TENM4: variants seen among roughly 807,000 people sequenced by gnomAD.
The protein encoded by TENM4 is teneurin-4.
TENM4 carries 82 observed loss-of-function variants against 243.3 expected under a neutral mutation model. The ratio of observed to expected loss-of-function variants is 0.34; its 90% CI spans 0.28 to 0.40. The LOEUF is 0.40. Ranked by LOEUF, TENM4 falls within the 10% of genes least tolerant of loss-of-function variation. The probability of loss-of-function intolerance (pLI) is 1.00; values close to 1 mark genes in which losing one functional copy is unlikely to be tolerated. For synonymous variants in TENM4, 1,412 were observed against 1,456.3 expected (o/e 0.97, Z 0.69); for missense variants, 3,138 against 3,673.3 (o/e 0.85, Z 3.77).
intron 1 of TENM4, among the ~76,000 whole-genome samples, chr11:79,392,217 G>A (rs1858249154): frequency 6.6e-6 from 1 of 152,184 alleles, no homozygotes; most frequent in African/African-American, 2.4e-5. Context: ...TACATCCCAA[G>A]ATAACCCTTT....
intron 2 of TENM4, among the ~76,000 whole-genome samples, chr11:79,258,465 C>G (rs1056777869): frequency 2.6e-5 from 4 of 152,188 alleles, no homozygotes; most frequent in African/African-American, 9.6e-5. Context: ...TAACTCTATA[C>G]AACTTCTCAT....
At chr11:78,978,036 G>A (rs1473073814) in intron 6 of TENM4, among the ~76,000 whole-genome samples, 5 of 152,186 alleles carry the variant, frequency 3.3e-5, no homozygotes, top group Non-Finnish European at 5.9e-5. Context: ...GAAAAAGGAT[G>A]AGTTCATGTC....
chr11:79,163,556 CCT>C (rs1027283887), intron 3 of TENM4, among the ~76,000 whole-genome samples: 1 of 151,818 alleles, frequency 6.6e-6, no homozygotes, highest in Non-Finnish European at 1.5e-5. Flanking sequence ...TACCCTTTCC[CCT>C]GAGTCCCCAA....
intron 2 of TENM4, among the ~76,000 whole-genome samples, chr11:79,252,274 G>A (rs961376344): frequency 1.3e-5 from 2 of 152,098 alleles, no homozygotes; most frequent in East Asian, 1.9e-4. Flanking sequence ...TTGCTCTGTC[G>A]CCCAGGCTGG....
At chr11:79,429,182 G>A (rs1339626053) in intron 1 of TENM4, among the ~76,000 whole-genome samples, 3 of 152,202 alleles carry the variant, frequency 2.0e-5, no homozygotes, top group African/African-American at 4.8e-5. Context: ...AGGATCTGCT[G>A]TCTCAATCTA....
intron 3 of TENM4, among the ~76,000 whole-genome samples, chr11:79,175,398 T>C (rs1052565603): frequency 4.6e-5 from 7 of 152,194 alleles, no homozygotes; most frequent in African/African-American, 1.4e-4. Context: ...TGGGTACTCA[T>C]TGTAGTATTG....
At chr11:78,887,817 A>T (rs906970655) in intron 9 of TENM4, among the ~76,000 whole-genome samples, 3 of 152,228 alleles carry the variant, frequency 2.0e-5, no homozygotes, top group Admixed American at 2.0e-4. Flanking sequence ...AATCATGTAA[A>T]CACTTACTCT....
intron 3 of TENM4, among the ~76,000 whole-genome samples, chr11:79,178,854 T>C (rs1863225804): frequency 1.3e-5 from 2 of 152,228 alleles, no homozygotes; most frequent in African/African-American, 4.8e-5. Flanking sequence ...CAAACTTTTA[T>C]TTTTCCCTGT....
chr11:78,778,918 A>G (rs958625528), intron 16 of TENM4, among the ~76,000 whole-genome samples: 4 of 152,220 alleles, frequency 2.6e-5, no homozygotes, highest in African/African-American at 9.6e-5. Flanking sequence ...GAAAACAGAC[A>G]AAGAAGGATG....
rs754072715 is a variant in TENM4, at chr11:78,658,587, A to T, written c.7781T>A (p.Val2594Asp). The change falls in exon 34 of 34, where the codon GTT becomes GAT. Residue 2594 changes from valine (V) to aspartate (D), a missense_variant. By Grantham distance (152) the Val-to-Asp change is radical. This residue lies in a region of TENM4 where 2,467 missense variants were observed against 3,059.1 expected (regional missense o/e 0.81). Transcript: ENST00000278550. ...GTGGGCATGGTTCAAGATGGCAGCA[A>T]CCCTTCGCCCATCCTCATTGGCCAC... ...ISVANEDGRR[V>D]AAILNHAHYL... is the part of the protein sequence containing the mutation. 1 of 1,613,850 alleles carries T rather than the reference A, an allele frequency of 6.2e-7. No individual in the cohort carries two copies. Among genetic ancestry groups the T allele is most frequent in the Non-Finnish European group, 8.5e-7 (1 of 1,179,870 alleles).
chr11:78,881,865 G>A (rs905852355), intron 9 of TENM4, among the ~76,000 whole-genome samples: 3 of 152,168 alleles, frequency 2.0e-5, no homozygotes, highest in Non-Finnish European at 4.4e-5. Context: ...TCCTTTTAGG[G>A]ATCTGGAAGA....
intron 3 of TENM4, among the ~76,000 whole-genome samples, chr11:79,215,109 C>G (rs1179950488): frequency 6.6e-6 from 1 of 152,180 alleles, no homozygotes; most frequent in East Asian, 1.9e-4. Context: ...TGGATCCTTC[C>G]TGTGTCCTCA....
At chr11:79,225,268 A>G (rs1233195371) in intron 2 of TENM4, among the ~76,000 whole-genome samples, 1 of 152,228 alleles carries the variant, frequency 6.6e-6, no homozygotes, top group Non-Finnish European at 1.5e-5. Context: ...GGAAGCTTAC[A>G]CGCCTAAGAA....
At chr11:78,697,189 G>A (rs909724538) in intron 28 of TENM4, among the ~76,000 whole-genome samples, 1 of 152,174 alleles carries the variant, frequency 6.6e-6, no homozygotes, top group African/African-American at 2.4e-5. Flanking sequence ...CAGCCTCCAA[G>A]GGCTTCAGAC....
At chr11:78,889,021 G>A (rs773447992) in intron 9 of TENM4, among the ~76,000 whole-genome samples, 12 of 152,218 alleles carry the variant, frequency 7.9e-5, no homozygotes, top group Non-Finnish European at 1.8e-4. Context: ...GGGGTCAGAA[G>A]TAGGAAGGGG....
intron 1 of TENM4, among the ~76,000 whole-genome samples, chr11:79,305,841 A>T (rs1053382145): frequency 3.9e-5 from 6 of 152,202 alleles, no homozygotes; most frequent in South Asian, 2.1e-4. Context: ...AAGTGTCCCT[A>T]ACTTCATTTG....
intron 31 of TENM4, among the ~76,000 whole-genome samples, chr11:78,671,299 TA>T: frequency 7.5e-6 from 1 of 133,406 alleles, no homozygotes; most frequent in African/African-American, 2.8e-5. Flanking sequence ...CTCTCTCTCT[TA>T]GTACTAGCGC....
chr11:79,116,368 C>A (rs1344788934), intron 4 of TENM4, among the ~76,000 whole-genome samples: 2 of 152,184 alleles, frequency 1.3e-5, no homozygotes, highest in African/African-American at 4.8e-5. Flanking sequence ...AGCTGGGGTT[C>A]AAATTCAGGA....
At chr11:78,741,302 C>T (rs918126033) in intron 19 of TENM4, among the ~76,000 whole-genome samples, 5 of 151,406 alleles carry the variant, frequency 3.3e-5, no homozygotes, top group Non-Finnish European at 5.9e-5. Context: ...GTTTAATGAC[C>T]GACTTTTGAA....
Sources: allele counts gnomAD v4.1 joint callset (sites outside exome capture counted in the v4.1 genomes callset), GRCh38; gene constraint gnomAD v4.1.1; regional missense constraint gnomAD v4.1.1; transcripts MANE v1.5; gene names NCBI Gene and HGNC (gene_info 2026-07-23, HGNC 2026-07-21).